Variants in IMMP2L observed in about 807,000 individuals in gnomAD.
IMMP2L encodes mitochondrial inner membrane protease subunit 2.
In IMMP2L, 18 loss-of-function variants were observed where a neutral mutation model predicts 19.3. The ratio of observed to expected loss-of-function variants is 0.93; its 90% CI spans 0.64 to 1.38. The LOEUF (loss-of-function observed/expected upper bound fraction) is 1.38. Among genes scored for constraint, IMMP2L ranks in the 40% most tolerant of loss-of-function variants. The pLI is 0.00. For missense variants in IMMP2L, 233 were observed against 218.2 expected (o/e 1.07, Z -0.43); for synonymous variants, 76 against 73.0 (o/e 1.04, Z -0.21).
chr7:110,746,292 C>T (rs1251499621), intron 5 of IMMP2L, among the ~76,000 whole-genome samples: 1 of 152,168 alleles, frequency 6.6e-6, no homozygotes, highest in East Asian at 1.9e-4. Context: ...CTTAGACTCC[C>T]ACATAATAAT....
intron 5 of IMMP2L, among the ~76,000 whole-genome samples, chr7:110,840,870 T>C (rs1217497900): frequency 6.6e-6 from 1 of 152,114 alleles, no homozygotes; most frequent in East Asian, 1.9e-4. Context: ...TTTCATAGAA[T>C]ATTTTAAGCT....
rs577295364 is a variant in IMMP2L, at chr7:110,961,999, G to A, written c.305+1501C>T. Reference sequence around the variant, plus strand: ...GTTCAAAAACTAGATTGTTGTGGGGGTTGCACAATTGTATACATTTATACT... The same window carrying A: ...GTTCAAAAACTAGATTGTTGTGGGGATTGCACAATTGTATACATTTATACT... On this transcript the variant is annotated intron_variant, in intron 4 of 5. Coordinates refer to ENST00000405709, the MANE Select transcript of IMMP2L (RefSeq NM_032549.4). 4.6e-5 allele frequency among the ~76,000 whole-genome samples: 7 copies of A among 151,936 alleles called. No homozygotes were observed. The South Asian group carries it at 1.5e-3, about 31-fold the overall frequency.
At chr7:111,154,651 G>C (rs554590827) in intron 3 of IMMP2L, among the ~76,000 whole-genome samples, 2 of 152,272 alleles carry the variant, frequency 1.3e-5, no homozygotes, top group Non-Finnish European at 2.9e-5. Flanking sequence ...CTGTGAACTA[G>C]GGATAATCAA....
intron 3 of IMMP2L, among the ~76,000 whole-genome samples, chr7:111,183,499 G>A (rs1348983516): frequency 6.6e-6 from 1 of 151,958 alleles, no homozygotes; most frequent in African/African-American, 2.4e-5. Flanking sequence ...TCATTTTACT[G>A]GGAGCCACTT....
intron 3 of IMMP2L, among the ~76,000 whole-genome samples, chr7:110,977,321 A>T (rs910377225): frequency 6.6e-6 from 1 of 151,892 alleles, no homozygotes; most frequent in African/African-American, 2.4e-5. Flanking sequence ...CTATTTTTTC[A>T]TGAGTATAAA....
At chr7:110,768,851 T>G (rs147968540) in intron 5 of IMMP2L, among the ~76,000 whole-genome samples, 6 of 152,320 alleles carry the variant, frequency 3.9e-5, no homozygotes, top group Admixed American at 2.6e-4. Flanking sequence ...TCTAGTCCGT[T>G]CCTGTTTACC....
intron 5 of IMMP2L, among the ~76,000 whole-genome samples, chr7:110,826,934 T>G (rs1803552412): frequency 6.6e-6 from 1 of 152,040 alleles, no homozygotes; most frequent in South Asian, 2.1e-4. Flanking sequence ...TGGTATGTAT[T>G]TTTTCTCATG....
chr7:110,862,443 G>A (rs979739397), intron 5 of IMMP2L, among the ~76,000 whole-genome samples: 6 of 151,422 alleles, frequency 4.0e-5, no homozygotes, highest in African/African-American at 7.3e-5. Context: ...GGGCTCAAGC[G>A]ATCCTCCCAC....
chr7:111,235,136 T>G (rs542286079), intron 3 of IMMP2L, among the ~76,000 whole-genome samples: 2 of 152,234 alleles, frequency 1.3e-5, no homozygotes, highest in East Asian at 3.9e-4. Flanking sequence ...CAAGTTTTTA[T>G]TTCATCTTTA....
chr7:111,022,203 C>T (rs761726868), intron 3 of IMMP2L, among the ~76,000 whole-genome samples: 2 of 152,096 alleles, frequency 1.3e-5, no homozygotes, highest in Non-Finnish European at 2.9e-5. Context: ...ATATTTCCTG[C>T]CTAAGTATGG....
intron 2 of IMMP2L, among the ~76,000 whole-genome samples, chr7:111,508,640 T>A (rs1256718610): frequency 6.6e-6 from 1 of 152,100 alleles, no homozygotes; most frequent in African/African-American, 2.4e-5. Context: ...ATACTCAGAA[T>A]GGGGAGAGTG....
At chr7:111,303,265 T>C (rs1034661152) in intron 3 of IMMP2L, among the ~76,000 whole-genome samples, 1 of 152,132 alleles carries the variant, frequency 6.6e-6, no homozygotes, top group African/African-American at 2.4e-5. Flanking sequence ...CATTTCATCA[T>C]TGTATCAACT....
At chr7:110,857,828 ATAAC>A (rs1315305244) in intron 5 of IMMP2L, among the ~76,000 whole-genome samples, 3 of 152,066 alleles carry the variant, frequency 2.0e-5, no homozygotes, top group Admixed American at 6.6e-5. Context: ...ATTTATTTTG[ATAAC>A]TATCAGAAAA....
chr7:111,428,955 G>T (rs902770249), intron 3 of IMMP2L, among the ~76,000 whole-genome samples: 7 of 151,910 alleles, frequency 4.6e-5, no homozygotes, highest in Non-Finnish European at 1.0e-4. Flanking sequence ...TTGACAAATA[G>T]AAAGTATCAG....
intron 3 of IMMP2L, among the ~76,000 whole-genome samples, chr7:111,209,336 G>T (rs1229845985): frequency 6.7e-6 from 1 of 148,376 alleles, no homozygotes; most frequent in East Asian, 2.0e-4. Context: ...GACGGAGGTT[G>T]CAGTGAGCTG....
intron 3 of IMMP2L, chr7:111,097,174 GA>G (rs1797489534): frequency 6.6e-6 from 1 of 151,840 alleles, no homozygotes. Context: ...CCAAAGGCCT[GA>G]AGCTCCTGGG....
chr7:111,358,458 G>A (rs1828932453), intron 3 of IMMP2L, among the ~76,000 whole-genome samples: 1 of 151,874 alleles, frequency 6.6e-6, no homozygotes, highest in Non-Finnish European at 1.5e-5. Flanking sequence ...ACATTATCTT[G>A]TGATTATCTT....
intron 3 of IMMP2L, among the ~76,000 whole-genome samples, chr7:111,077,905 G>A (rs981443416): frequency 3.3e-5 from 5 of 152,172 alleles, no homozygotes; most frequent in African/African-American, 1.2e-4. Context: ...TCTTCTGCCC[G>A]TTATACTTTG....
intron 3 of IMMP2L, chr7:111,091,100 T>C (rs2129577832): frequency 6.6e-6 from 1 of 152,234 alleles, no homozygotes; most frequent in South Asian, 2.1e-4. Flanking sequence ...GTTCAGTTAT[T>C]AATGACCGCT....
Sources: gnomAD v4.1 joint callset for allele counts (sites outside exome capture counted in the v4.1 genomes callset) on GRCh38, gnomAD v4.1.1 for gene constraint, MANE v1.5 for transcripts, NCBI Gene and HGNC (gene_info 2026-07-23, HGNC 2026-07-21) for gene names.